BRI3BP: variants seen among roughly 807,000 people sequenced by gnomAD.
The protein encoded by BRI3BP is BRI3 binding protein, also known as BRI3-binding protein.
Under a neutral mutation model 15.8 loss-of-function variants are expected in BRI3BP, and 7 were observed. The observed-to-expected ratio is 0.44, with a 90% confidence interval of 0.25 to 0.83. BRI3BP has a LOEUF of 0.83. Ranked by LOEUF, BRI3BP falls within the 40% of genes least tolerant of loss-of-function variation. The pLI, the probability that BRI3BP is intolerant of heterozygous loss-of-function variation, is 0.20. For missense variants in BRI3BP, 320 were observed against 339.3 expected (o/e 0.94, Z 0.45); for synonymous variants, 192 against 163.5 (o/e 1.17, Z -1.33).
chr12:125,044,020 T>TAA, the BRI3BP span, among the ~76,000 whole-genome samples: 8 of 131,802 alleles, frequency 6.1e-5, no homozygotes, highest in Non-Finnish European at 8.2e-5. Flanking sequence ...GCAAGACATT[T>TAA]AAAAAAAAAA....
At chr12:125,018,768 C>T (rs1309359749) in intron 2 of BRI3BP, among the ~76,000 whole-genome samples, 1 of 151,908 alleles carries the variant, frequency 6.6e-6, no homozygotes, top group Admixed American at 6.6e-5. Flanking sequence ...CAGCCTCCGC[C>T]TCCTGAGTTC....
chr12:125,039,354 C>T, the BRI3BP span, among the ~76,000 whole-genome samples: 14 of 152,094 alleles, frequency 9.2e-5, no homozygotes, highest in Admixed American at 7.2e-4. Flanking sequence ...GTCAGTTAAA[C>T]CAATCTCAGG....
chr12:124,997,214 C>CTCTTTTTTTTTTTTTTTTTTTT (rs1335395514), intron 1 of BRI3BP, among the ~76,000 whole-genome samples: 1 of 51,550 alleles, frequency 1.9e-5, no homozygotes, highest in African/African-American at 1.0e-4. Flanking sequence ...CTTTACTTCT[C>CTCTTTTTTTTTTTTTTTTTTTT]TTTTTTTTTT....
chr12:124,999,588 TAA>T (rs1247748742), intron 1 of BRI3BP, among the ~76,000 whole-genome samples: 9 of 151,418 alleles, frequency 5.9e-5, no homozygotes, highest in Admixed American at 1.3e-4. Flanking sequence ...CATGCCCTGC[TAA>T]GTTTTTTATT....
intron 1 of BRI3BP, among the ~76,000 whole-genome samples, chr12:125,001,243 A>G (rs1955088563): frequency 6.6e-6 from 1 of 151,898 alleles, no homozygotes; most frequent in African/African-American, 2.4e-5. Flanking sequence ...TTTTTAGTAG[A>G]GATGGGGTTT....
chr12:125,032,289 C>T (rs1594542873), downstream of BRI3BP, among the ~76,000 whole-genome samples: 2 of 151,794 alleles, frequency 1.3e-5, no homozygotes, highest in South Asian at 2.1e-4. Context: ...GGTGAAACCC[C>T]GTCTCTACTA....
intron 1 of BRI3BP, among the ~76,000 whole-genome samples, chr12:125,003,611 G>T (rs905460756): frequency 6.6e-6 from 1 of 152,054 alleles, no homozygotes; most frequent in African/African-American, 2.4e-5. Context: ...GTTCACCTTT[G>T]CATATTTCAG....
Position 125,025,020 on chromosome 12 carries a change from G to A in BRI3BP, c.346G>A (p.Ala116Thr). Residue 116 changes from alanine to threonine, a missense_variant, in exon 3 of 3, where the codon GCC becomes ACC. Transcript: ENST00000341446. The stretch of plus-strand genomic sequence containing the variant: ...CAACCTGTCCCAGTATTTCAGCCCA[G>A]CCTCGGTGTCCAGCAGCCCGGCCCG... ...VSNLSQYFSP[A>T]SVSSSPARAL... is the part of the protein sequence containing the mutation. The A allele has an allele frequency of 6.2e-7, 1 of 1,613,194 alleles. No individual in the cohort carries two copies. The highest frequency in any genetic ancestry group is 8.5e-7 in the Non-Finnish European group (1 of 1,179,890).
chr12:125,021,781 A>G (rs570938510), intron 2 of BRI3BP, among the ~76,000 whole-genome samples: 5 of 152,244 alleles, frequency 3.3e-5, no homozygotes, highest in African/African-American at 1.2e-4. Flanking sequence ...ACTCACTTTC[A>G]TGAGAATAGC....
chr12:125,050,590 C>T, the BRI3BP span, among the ~76,000 whole-genome samples: 1 of 152,210 alleles, frequency 6.6e-6, no homozygotes, highest in Admixed American at 6.5e-5. Flanking sequence ...TGCTCTGTGC[C>T]CTGCCTCGTG....
At position 125,014,009 on chromosome 12, in the gene BRI3BP, T is replaced by C. The variant is rs1594533567; in HGVS notation, c.316+1373T>C. Reference sequence around the variant, plus strand: ...CCTCCACCTGCATTCCATCGGTGGGTGACAGGAGCTAACCCGGGCAGAGTG... The same window carrying C: ...CCTCCACCTGCATTCCATCGGTGGGCGACAGGAGCTAACCCGGGCAGAGTG... On this transcript the variant is annotated intron_variant, in intron 2 of 2. Transcript: ENST00000341446. Among the ~76,000 whole-genome samples, 3 of 152,000 alleles carry C rather than the reference T, an allele frequency of 2.0e-5. No homozygotes were observed. The South Asian group carries it at 6.2e-4, about 31-fold the overall frequency.
the BRI3BP span, among the ~76,000 whole-genome samples, chr12:125,044,055 T>A: frequency 6.6e-6 from 1 of 152,086 alleles, no homozygotes; most frequent in Non-Finnish European, 1.5e-5. Context: ...AAGATTATTT[T>A]CTCACAACAG....
intron 1 of BRI3BP, among the ~76,000 whole-genome samples, chr12:124,996,380 A>T (rs1435112759): frequency 6.6e-6 from 1 of 152,124 alleles, no homozygotes; most frequent in African/African-American, 2.4e-5. Flanking sequence ...ATCTTGGCTC[A>T]CGGCAACGTC....
At chr12:125,049,161 C>T in the BRI3BP span, among the ~76,000 whole-genome samples, 2 of 152,040 alleles carry the variant, frequency 1.3e-5, no homozygotes, top group African/African-American at 4.8e-5. Flanking sequence ...CGGGATTTCA[C>T]CGTGTTCGCC....
At chr12:125,016,010 C>T (rs775342687) in intron 2 of BRI3BP, among the ~76,000 whole-genome samples, 5 of 152,200 alleles carry the variant, frequency 3.3e-5, no homozygotes, top group African/African-American at 4.8e-5. Flanking sequence ...TGCAGAAAAT[C>T]GCACGCAGCT....
chr12:124,997,952 C>T (rs564793270), intron 1 of BRI3BP, among the ~76,000 whole-genome samples: 2 of 152,220 alleles, frequency 1.3e-5, no homozygotes, highest in Admixed American at 1.3e-4. Flanking sequence ...TGGTGAAACC[C>T]TGTCTCTACC....
rs1055186365 is a variant in BRI3BP, at chr12:125,029,879, G to A, written c.*4449G>A. 3.9e-5 allele frequency: 6 copies of A among 152,276 alleles called. No individual in the cohort carries two copies. Among genetic ancestry groups the A allele is most frequent in the African/African-American group, 1.4e-4 (6 of 41,444 alleles). 9.4% of individuals were successfully genotyped at this position (152,276 alleles called of 1,614,324 possible). On this transcript the variant is annotated 3_prime_UTR_variant, in exon 3 of 3. Transcript: ENST00000341446. Reference sequence around the variant, plus strand: ...TGTGATGGTGGTAACCAAGTGGGGTGGTCCCCTCTGGGGAGCTGAGTAAGA... The same window carrying A: ...TGTGATGGTGGTAACCAAGTGGGGTAGTCCCCTCTGGGGAGCTGAGTAAGA...
rs1317154812 is a variant in BRI3BP, at chr12:125,028,684, G to A, written c.*3254G>A. Reference sequence around the variant, plus strand: ...GATAGAAATCCTAGATGCTAGATTTGAAGAAAACCTGGGTTTTATTGCATA... The same window carrying A: ...GATAGAAATCCTAGATGCTAGATTTAAAGAAAACCTGGGTTTTATTGCATA... On this transcript the variant is annotated 3_prime_UTR_variant, in exon 3 of 3. Coordinates refer to ENST00000341446, the MANE Select transcript of BRI3BP (RefSeq NM_080626.6). 1 of 152,060 alleles carries A rather than the reference G, an allele frequency of 6.6e-6. No homozygotes were observed. The highest frequency in any genetic ancestry group is 1.5e-5 in the Non-Finnish European group (1 of 67,998). The allele number at this position is 152,060 out of a possible 1,614,324, so 9.4% of individuals were successfully genotyped here.
chr12:125,044,022 A>T, the BRI3BP span, among the ~76,000 whole-genome samples: 1 of 106,724 alleles, frequency 9.4e-6, no homozygotes, highest in African/African-American at 3.3e-5. Context: ...AAGACATTTA[A>T]AAAAAAAAAA....
Sources: gnomAD v4.1 joint callset for allele counts (sites outside exome capture counted in the v4.1 genomes callset) on GRCh38, gnomAD v4.1.1 for gene constraint, MANE v1.5 for transcripts, NCBI Gene and HGNC (gene_info 2026-07-23, HGNC 2026-07-21) for gene names.